Variants in ZIM2 observed in about 807,000 individuals in gnomAD.
ZIM2 encodes the protein zinc finger imprinted 2, also known as zinc finger protein 656.
Under a neutral mutation model 38.6 loss-of-function variants are expected in ZIM2, and 14 were observed. That is an observed-to-expected ratio of 0.36 (90% CI 0.24 to 0.57). The LOEUF is 0.57. ZIM2 is among the 20% of genes least tolerant of loss of function. The pLI is 0.81. For missense variants in ZIM2, 680 were observed against 695.1 expected, an observed-to-expected ratio of 0.98 and a Z score of 0.24; for synonymous variants, 247 against 245.8, an observed-to-expected ratio of 1.00 and a Z score of -0.04.
chr19:56,822,100 A>G (rs1262358190), intron 6 of ZIM2, among the ~76,000 whole-genome samples: 1 of 152,068 alleles, frequency 6.6e-6, no homozygotes, highest in East Asian at 1.9e-4. Context: ...TGACAGGGAG[A>G]TGGCATCAGA....
chr19:56,790,803 G>A (rs1019850760), intron 9 of ZIM2, among the ~76,000 whole-genome samples: 7 of 152,294 alleles, frequency 4.6e-5, no homozygotes, highest in African/African-American at 1.2e-4. Context: ...CCTCAGATAA[G>A]GGGAGTATAC....
At chr19:56,832,919 T>C (rs2061710993) in intron 2 of ZIM2, among the ~76,000 whole-genome samples, 1 of 152,244 alleles carries the variant, frequency 6.6e-6, no homozygotes. Flanking sequence ...GACACTTTAC[T>C]TCTATTCCAT....
At chr19:56,833,249 A>G (rs942854314) in intron 2 of ZIM2, 1 of 482,914 alleles carries the variant, frequency 2.1e-6, no homozygotes, top group Admixed American at 2.2e-5. Flanking sequence ...GTCCCTCACC[A>G]TGGTGCACCT....
chr19:56,788,815 A>G (rs1472523294), intron 10 of ZIM2, among the ~76,000 whole-genome samples: 1 of 151,834 alleles, frequency 6.6e-6, no homozygotes, highest in Non-Finnish European at 1.5e-5. Flanking sequence ...CTTTTCACAT[A>G]GTCCCATATT....
intron 2 of ZIM2, among the ~76,000 whole-genome samples, chr19:56,834,833 G>A (rs1332800667): frequency 6.6e-6 from 1 of 152,078 alleles, no homozygotes; most frequent in African/African-American, 2.4e-5. Flanking sequence ...TCTTGTGATG[G>A]GAGTTTCCAT....
At chr19:56,797,840 TCAA>T (rs2047309639) in intron 9 of ZIM2, among the ~76,000 whole-genome samples, 1 of 152,162 alleles carries the variant, frequency 6.6e-6, no homozygotes, top group African/African-American at 2.4e-5. Flanking sequence ...CCCACTAGCC[TCAA>T]TAAGACACCA....
intron 9 of ZIM2, among the ~76,000 whole-genome samples, chr19:56,795,301 G>T (rs190455702): frequency 6.6e-6 from 1 of 152,290 alleles, no homozygotes; most frequent in East Asian, 1.9e-4. Flanking sequence ...CCACCACAAG[G>T]CCCCAGTAGG....
Position 56,814,690 on chromosome 19 carries a change from T to A in ZIM2, c.490+3056A>T. On this transcript the variant is annotated intron_variant, in intron 9 of 12. Coordinates refer to ENST00000629319, the MANE Select transcript of ZIM2 (RefSeq NM_001387356.1). The surrounding 1 kb of genome is among the most constrained non-coding windows in gnomAD (Gnocchi z 5.8). ...AGCCATCTGGCTCTGCTCCAGTAAA[T>A]CATCTTCCCTATGAAGTCTCATATG... is the stretch of plus-strand genomic sequence containing the variant. The A allele has an allele frequency of 1.2e-6, 2 of 1,614,008 alleles. No homozygotes were observed. The highest frequency in any genetic ancestry group is 1.7e-6 in the Non-Finnish European group (2 of 1,179,968).
In ZIM2 at chr19:56,774,906, G is replaced by C. The variant is rs1277838187; in HGVS notation, c.1459C>G (p.Arg487Gly). The change falls in exon 13 of 13, where the codon CGG (arginine) becomes GGG (glycine). Residue 487 changes from arginine to glycine, a missense_variant. Physicochemically the swap from Arg to Gly is moderately radical, Grantham distance 125 (BLOSUM62 -2). Transcript: ENST00000629319. ...HSKTYLIRYQ[R>G]KHDYVGERAC... is the part of the protein sequence containing the mutation. ...CTCTCTCCAACGTAGTCATGTTTCC[G>C]CTGATAACGAATTAAGTATGTCTTG... 4 of 1,613,998 alleles carry C rather than the reference G, an allele frequency of 2.5e-6. No homozygotes were observed. The East Asian group carries it at 8.9e-5, about 36-fold the overall frequency.
chr19:56,814,181 C>G lies in ZIM2; in HGVS notation c.490+3565G>C, dbSNP rs1260005771. 3.1e-6 allele frequency: 5 copies of G among 1,614,112 alleles called. No individual in the cohort carries two copies. The highest frequency in any genetic ancestry group is 4.2e-6 in the Non-Finnish European group (5 of 1,180,036). On this transcript the variant is annotated intron_variant, in intron 9 of 12. Coordinates refer to ENST00000629319, the MANE Select transcript of ZIM2 (RefSeq NM_001387356.1). This position sits in a 1 kb window ranked among gnomAD's most constrained non-coding sequence, Gnocchi z 5.8. ...GCCTCTCCATCTGGCCCTTCAGCCT[C>G]TCCGTTTGGCTCAGCAGCCTCCACT...
intron 5 of ZIM2, among the ~76,000 whole-genome samples, chr19:56,823,099 A>C (rs1601058701): frequency 6.6e-6 from 1 of 152,328 alleles, no homozygotes; most frequent in Admixed American, 6.5e-5. Context: ...CCCCCACTTC[A>C]GACTCTTTGC....
chr19:56,830,127 T>C (rs868569183), intron 2 of ZIM2, among the ~76,000 whole-genome samples: 32 of 152,354 alleles, frequency 2.1e-4, no homozygotes, highest in African/African-American at 7.5e-4. Context: ...AGCACCTGTA[T>C]TTATACCCTA....
chr19:56,774,768 A>G lies in ZIM2; in HGVS notation c.1597T>C (p.Cys533Arg), dbSNP rs752245806. 3.7e-6 allele frequency: 6 copies of G among 1,614,164 alleles called. No homozygotes were observed. Among genetic ancestry groups the G allele is most frequent in the Non-Finnish European group, 5.1e-6 (6 of 1,180,036 alleles). Residue 533 changes from cysteine to arginine, a missense_variant, in exon 13 of 13, where the codon TGT (cysteine) becomes CGT (arginine). Physicochemically the swap from Cys to Arg is radical, Grantham distance 180. Coordinates refer to ENST00000629319, the MANE Select transcript of ZIM2 (RefSeq NM_001387356.1). ...RPYQCQLCGK[C>R]FGRPSYLTQH... is the part of the protein sequence containing the mutation. The stretch of plus-strand genomic sequence containing the variant: ...GTGAGGTATGAGGGTCGGCCGAAAC[A>G]TTTCCCACATAGCTGACACTGGTAA...
In ZIM2 at chr19:56,774,657, G is replaced by A; in HGVS notation, c.*31C>T. ...ACTCTAGGAGGAAGCCAATAATGTT[G>A]AGAAAAGTGTGTGCTGTGACTAAAG... On this transcript the variant is annotated 3_prime_UTR_variant, in exon 13 of 13. Coordinates refer to ENST00000629319, the MANE Select transcript of ZIM2 (RefSeq NM_001387356.1). The A allele has an allele frequency of 6.3e-7, 1 of 1,598,798 alleles. No homozygotes were observed. The highest frequency in any genetic ancestry group is 8.5e-7 in the Non-Finnish European group (1 of 1,171,478).
At chr19:56,777,173 G>A (rs2046065456) in intron 12 of ZIM2, among the ~76,000 whole-genome samples, 1 of 152,158 alleles carries the variant, frequency 6.6e-6, no homozygotes, top group Non-Finnish European at 1.5e-5. Context: ...TGTGAACAGA[G>A]TACAGGTAAA....
At chr19:56,826,041 T>C (rs2060996221) in intron 3 of ZIM2, among the ~76,000 whole-genome samples, 1 of 152,198 alleles carries the variant, frequency 6.6e-6, no homozygotes. Context: ...GCCTCGATCC[T>C]GAAGACCTTA....
intron 9 of ZIM2, among the ~76,000 whole-genome samples, chr19:56,794,116 C>T (rs770416076): frequency 3.9e-5 from 6 of 151,960 alleles, no homozygotes; most frequent in Admixed American, 2.0e-4. Context: ...TAATATCAAG[C>T]GGAAAAAGGA....
At chr19:56,815,500 C>A in intron 9 of ZIM2, 1 of 1,614,116 alleles carries the variant, frequency 6.2e-7, no homozygotes, top group East Asian at 2.2e-5. Flanking sequence ...GAGGTCAGAG[C>A]TATGAGCAAA....
intron 9 of ZIM2, chr19:56,812,794 T>C (rs1378632008): frequency 1.0e-6 from 1 of 974,516 alleles, no homozygotes; most frequent in Non-Finnish European, 1.2e-6. Flanking sequence ...CAATTCACTA[T>C]CATCAAACAC....
Sources: gnomAD v4.1 joint callset for allele counts (sites outside exome capture counted in the v4.1 genomes callset) on GRCh38, gnomAD v4.1.1 for gene constraint, Gnocchi (gnomAD v3.1) non-coding constraint, MANE v1.5 for transcripts, NCBI Gene and HGNC (gene_info 2026-07-23, HGNC 2026-07-21) for gene names.